CNTNAP2: variants seen among roughly 807,000 people sequenced by gnomAD.
CNTNAP2 encodes contactin-associated protein-like 2.
CNTNAP2 carries 98 observed loss-of-function variants against 155.2 expected under a neutral mutation model. The ratio of observed to expected loss-of-function variants is 0.63; its 90% confidence interval spans 0.54 to 0.75. CNTNAP2 has a LOEUF of 0.75. CNTNAP2 is among the 30% of genes least tolerant of loss of function. The pLI, the probability that CNTNAP2 is intolerant of heterozygous loss-of-function variation, is 0.00. For synonymous variants in CNTNAP2, 651 were observed against 631.2 expected (o/e 1.03, Z -0.47); for missense variants, 1,727 against 1,688.1 (o/e 1.02, Z -0.40).
intron 1 of CNTNAP2, among the ~76,000 whole-genome samples, chr7:146,503,448 A>C (rs757389342): frequency 6.6e-6 from 1 of 152,214 alleles, no homozygotes; most frequent in Non-Finnish European, 1.5e-5. Flanking sequence ...GTGTGGCCCA[A>C]GGTAATTCTT....
At chr7:148,087,009 TA>T (rs1208896038) in intron 15 of CNTNAP2, among the ~76,000 whole-genome samples, 2 of 152,190 alleles carry the variant, frequency 1.3e-5, no homozygotes, top group African/African-American at 4.8e-5. Flanking sequence ...CTTGGAAATT[TA>T]AAAAAATAGT....
At chr7:147,403,996 T>G (rs1263147986) in intron 10 of CNTNAP2, among the ~76,000 whole-genome samples, 2 of 152,182 alleles carry the variant, frequency 1.3e-5, no homozygotes, top group Admixed American at 6.5e-5. Context: ...GAAATGTTAA[T>G]GTCATCATTT....
chr7:148,282,278 T>A (rs1796987743), intron 21 of CNTNAP2, among the ~76,000 whole-genome samples: 3 of 152,198 alleles, frequency 2.0e-5, no homozygotes, highest in African/African-American at 7.2e-5. Flanking sequence ...AGGCAAATCT[T>A]GTCATAAGTG....
chr7:147,925,158 G>GA (rs780689188), intron 14 of CNTNAP2, among the ~76,000 whole-genome samples: 1 of 55,952 alleles, frequency 1.8e-5, no homozygotes. Flanking sequence ...AGAGAGAGAA[G>GA]GAAGGAAGGA....
intron 13 of CNTNAP2, among the ~76,000 whole-genome samples, chr7:147,690,343 AC>A (rs1285189466): frequency 1.3e-5 from 2 of 152,052 alleles, no homozygotes; most frequent in Non-Finnish European, 2.9e-5. Flanking sequence ...CTTCTTTAAA[AC>A]CAAACAGGTT....
At chr7:147,797,726 C>T (rs10266920) in intron 13 of CNTNAP2, among the ~76,000 whole-genome samples, 13,975 of 152,088 alleles carry the variant, frequency 0.092, 719 homozygotes, top group East Asian at 0.2. Flanking sequence ...TGAGAAATAT[C>T]TTTTGTGTGA....
At chr7:147,915,647 A>G (rs931798281) in intron 14 of CNTNAP2, among the ~76,000 whole-genome samples, 2 of 151,788 alleles carry the variant, frequency 1.3e-5, no homozygotes, top group Admixed American at 6.6e-5. Context: ...TCCTGATCTC[A>G]TGAAGGCCAT....
At chr7:146,537,574 G>A (rs376203363) in intron 1 of CNTNAP2, among the ~76,000 whole-genome samples, 179 of 152,216 alleles carry the variant, frequency 1.2e-3, no homozygotes, top group African/African-American at 4.2e-3. Flanking sequence ...CACAAGAAAG[G>A]GAGGTGGGAA....
intron 1 of CNTNAP2, among the ~76,000 whole-genome samples, chr7:146,475,005 G>A (rs574739985): frequency 7.1e-5 from 9 of 127,336 alleles, no homozygotes; most frequent in African/African-American, 1.3e-4. Context: ...GCGCACGCGC[G>A]CGCGCGCGCA....
chr7:146,167,903 T>C (rs2116813237), intron 1 of CNTNAP2, among the ~76,000 whole-genome samples: 1 of 152,286 alleles, frequency 6.6e-6, no homozygotes, highest in South Asian at 2.1e-4. Flanking sequence ...CAGTGCAGCC[T>C]TCAGTCTGTG....
intron 18 of CNTNAP2, among the ~76,000 whole-genome samples, chr7:148,207,569 C>T (rs1795472700): frequency 6.6e-6 from 1 of 152,206 alleles, no homozygotes; most frequent in South Asian, 2.1e-4. Context: ...CGGATTGAAA[C>T]TAACTTTCTT....
chr7:146,341,305 G>A (rs1284713081), intron 1 of CNTNAP2, among the ~76,000 whole-genome samples: 4 of 152,056 alleles, frequency 2.6e-5, no homozygotes, highest in African/African-American at 9.7e-5. Context: ...GATAGATCAT[G>A]CAAAAATTAT....
chr7:147,885,962 G>A (rs10232583), intron 13 of CNTNAP2, among the ~76,000 whole-genome samples: 6,003 of 152,214 alleles, frequency 0.039, 372 homozygotes, highest in African/African-American at 0.14. Flanking sequence ...TAGTGGCTGT[G>A]GGAAATGAGA....
At chr7:148,182,864 C>T (rs2116706112) in intron 18 of CNTNAP2, among the ~76,000 whole-genome samples, 1 of 152,286 alleles carries the variant, frequency 6.6e-6, no homozygotes, top group Admixed American at 6.5e-5. Context: ...TACTTTCTAG[C>T]TACTCTTCCA....
chr7:148,084,872 C>G lies in CNTNAP2; in HGVS notation c.2384-33246C>G, dbSNP rs563208050. ...AAGGCAATTTGGCTGGTTCTTTTAT[C>G]AAGTGTAATGGGAAAACAAGCCAGT... On this transcript the variant is annotated intron_variant, in intron 15 of 23. Transcript: ENST00000361727. Among the ~76,000 whole-genome samples, 59 of 152,278 alleles carry G rather than the reference C, an allele frequency of 3.9e-4. 1 individual carries two copies. The South Asian group carries it at 0.012, about 30-fold the overall frequency.
At chr7:147,640,039 G>T (rs1795247460) in intron 13 of CNTNAP2, among the ~76,000 whole-genome samples, 1 of 152,092 alleles carries the variant, frequency 6.6e-6, no homozygotes, top group Non-Finnish European at 1.5e-5. Flanking sequence ...AAAGAAACAT[G>T]AGCTCATAAT....
intron 9 of CNTNAP2, among the ~76,000 whole-genome samples, chr7:147,308,551 G>A (rs943456818): frequency 1.3e-5 from 2 of 152,118 alleles, no homozygotes; most frequent in Admixed American, 6.5e-5. Flanking sequence ...GGATGACACC[G>A]GTCTTCCTGA....
chr7:146,194,330 A>G (rs1798747023), intron 1 of CNTNAP2, among the ~76,000 whole-genome samples: 1 of 152,340 alleles, frequency 6.6e-6, no homozygotes, highest in Non-Finnish European at 1.5e-5. Flanking sequence ...ACAGTTCAGC[A>G]TGGCTGGGGA....
chr7:147,148,217 C>T (rs1219994620), intron 8 of CNTNAP2, among the ~76,000 whole-genome samples: 2 of 151,322 alleles, frequency 1.3e-5, no homozygotes, highest in African/African-American at 4.9e-5. Context: ...GGTGAAACCC[C>T]GTCTCTACTA....
Sources: allele counts gnomAD v4.1 joint callset (sites outside exome capture counted in the v4.1 genomes callset), GRCh38; gene constraint gnomAD v4.1.1; transcripts MANE v1.5; gene names NCBI Gene and HGNC (gene_info 2026-07-23, HGNC 2026-07-21).